Variants in ZNF385D observed in about 807,000 individuals in gnomAD.
ZNF385D encodes the protein zinc finger protein 385D.
A neutral mutation model predicts 35.8 loss-of-function variants in ZNF385D; 15 were observed. That is an observed-to-expected ratio of 0.42 (90% CI 0.28 to 0.64). The LOEUF (loss-of-function observed/expected upper bound fraction) is 0.64. Ranked by LOEUF, ZNF385D falls within the 30% of genes least tolerant of loss-of-function variation. The probability of loss-of-function intolerance (pLI) is 0.23; values close to 1 mark genes in which losing one functional copy is unlikely to be tolerated. For missense variants in ZNF385D, 474 were observed against 494.6 expected (o/e 0.96, Z 0.39); for synonymous variants, 212 against 186.8 (o/e 1.13, Z -1.10).
chr3:21,711,038 A>ATTTTTTTTTTT (rs562190313), intron 1 of ZNF385D, among the ~76,000 whole-genome samples: 7 of 55,820 alleles, frequency 1.3e-4, no homozygotes, highest in East Asian at 1.2e-3. Flanking sequence ...TCCCTCTAAA[A>ATTTTTTTTTTT]GTTTTTTTTT....
intron 3 of ZNF385D, among the ~76,000 whole-genome samples, chr3:22,029,995 C>G (rs1697832832): frequency 6.6e-6 from 1 of 151,648 alleles, no homozygotes; most frequent in African/African-American, 2.4e-5. Context: ...CTGGGGAAGG[C>G]AGACCCACCC....
At chr3:22,267,234 T>A (rs965376134) in intron 2 of ZNF385D, among the ~76,000 whole-genome samples, 2 of 151,936 alleles carry the variant, frequency 1.3e-5, no homozygotes, top group East Asian at 3.9e-4. Flanking sequence ...TAATTAGGTT[T>A]CAAAAGATAA....
At chr3:21,590,850 C>T (rs1252441352) in intron 2 of ZNF385D, among the ~76,000 whole-genome samples, 1 of 151,986 alleles carries the variant, frequency 6.6e-6, no homozygotes, top group Non-Finnish European at 1.5e-5. Flanking sequence ...AATATGTATA[C>T]AGCATCTTTA....
chr3:22,089,704 T>C (rs749023623), intron 3 of ZNF385D, among the ~76,000 whole-genome samples: 4 of 152,206 alleles, frequency 2.6e-5, no homozygotes, highest in African/African-American at 7.2e-5. Context: ...TTGAACATTA[T>C]TCTTTGAGCA....
At chr3:22,149,991 G>T (rs964247976) in intron 3 of ZNF385D, among the ~76,000 whole-genome samples, 2 of 152,070 alleles carry the variant, frequency 1.3e-5, no homozygotes, top group East Asian at 3.9e-4. Flanking sequence ...AGCCCTTTAT[G>T]TCCAAATAAC....
intron 3 of ZNF385D, among the ~76,000 whole-genome samples, chr3:22,102,803 C>G (rs771813402): frequency 4.6e-5 from 7 of 151,642 alleles, no homozygotes; most frequent in Non-Finnish European, 1.0e-4. Flanking sequence ...ACAAACTTCT[C>G]TGATCACTGC....
At chr3:21,891,087 C>T (rs926716483) in intron 3 of ZNF385D, among the ~76,000 whole-genome samples, 2 of 152,188 alleles carry the variant, frequency 1.3e-5, no homozygotes, top group Middle Eastern at 3.4e-3. Flanking sequence ...GTTATAATTT[C>T]ATCATTTGCA....
intron 2 of ZNF385D, among the ~76,000 whole-genome samples, chr3:22,231,101 T>C (rs1698861825): frequency 6.6e-6 from 1 of 152,132 alleles, no homozygotes; most frequent in African/African-American, 2.4e-5. Flanking sequence ...ATATGGCCTT[T>C]AATGTTTTCA....
chr3:22,197,196 T>A (rs7622172), intron 2 of ZNF385D, among the ~76,000 whole-genome samples: 49,500 of 151,812 alleles, frequency 0.33, 8,270 homozygotes, highest in Middle Eastern at 0.38. Flanking sequence ...CTGCTTGGTG[T>A]TTTTGAATTT....
intron 1 of ZNF385D, among the ~76,000 whole-genome samples, chr3:21,745,606 T>C (rs1300733951): frequency 1.3e-5 from 2 of 152,220 alleles, no homozygotes; most frequent in African/African-American, 4.8e-5. Flanking sequence ...CCACCAATCA[T>C]GTGTGAAATT....
intron 3 of ZNF385D, among the ~76,000 whole-genome samples, chr3:21,839,457 A>G (rs1359172024): frequency 2.6e-5 from 4 of 152,068 alleles, no homozygotes; most frequent in African/African-American, 7.2e-5. Flanking sequence ...TCACTTTCCT[A>G]AACTATGTCC....
chr3:22,062,656 G>C (rs533428866), intron 3 of ZNF385D, among the ~76,000 whole-genome samples: 13 of 152,256 alleles, frequency 8.5e-5, no homozygotes, highest in African/African-American at 3.1e-4. Flanking sequence ...TTCCTTCCAC[G>C]TAAGTGTGGC....
At chr3:22,056,882 A>G (rs550489728) in intron 3 of ZNF385D, among the ~76,000 whole-genome samples, 2 of 152,328 alleles carry the variant, frequency 1.3e-5, no homozygotes, top group East Asian at 3.9e-4. Flanking sequence ...ATGATTAGTA[A>G]CCACTCAGAA....
Position 22,057,633 on chromosome 3 carries a change from C to T in ZNF385D, c.325+111184G>A, listed in dbSNP as rs568634253. On this transcript the variant is annotated intron_variant, in intron 3 of 5. Transcript: ENST00000494108. The stretch of plus-strand genomic sequence containing the variant: ...GAAGCAATTCTCTTGTCTCAACCTC[C>T]CGAGTAGCTGGAACGACAGGCAGGC... 2.6e-5 allele frequency among the ~76,000 whole-genome samples: 4 copies of T among 152,022 alleles called. No individual in the cohort carries two copies. In the South Asian group the frequency reaches 8.3e-4, roughly 32 times the overall value.
intron 4 of ZNF385D, among the ~76,000 whole-genome samples, chr3:21,439,835 C>T (rs573094263): frequency 1.3e-5 from 2 of 152,122 alleles, no homozygotes; most frequent in South Asian, 4.1e-4. Context: ...AAGGCAAGTT[C>T]CTTGCATGAG....
intron 2 of ZNF385D, among the ~76,000 whole-genome samples, chr3:22,181,606 G>A (rs944531094): frequency 6.6e-6 from 1 of 151,522 alleles, no homozygotes; most frequent in Non-Finnish European, 1.5e-5. Flanking sequence ...GCTGAGGCAG[G>A]AGAATGGTGT....
chr3:21,906,500 A>C (rs1699690631), intron 3 of ZNF385D, among the ~76,000 whole-genome samples: 1 of 152,146 alleles, frequency 6.6e-6, no homozygotes, highest in African/African-American at 2.4e-5. Flanking sequence ...AAGAACGGAG[A>C]ACTTTCAGGA....
intron 3 of ZNF385D, among the ~76,000 whole-genome samples, chr3:21,946,999 T>TA (rs34955569): frequency 5.9e-5 from 9 of 151,432 alleles, no homozygotes; most frequent in South Asian, 2.1e-4. Context: ...TTGACCCTTC[T>TA]AAAAAAAAAC....
chr3:21,962,643 A>T (rs1053196949), intron 3 of ZNF385D, among the ~76,000 whole-genome samples: 1 of 152,222 alleles, frequency 6.6e-6, no homozygotes, highest in South Asian at 2.1e-4. Flanking sequence ...AATGTGGTCA[A>T]TATTTATGCT....
Sources: gnomAD v4.1 joint callset for allele counts (sites outside exome capture counted in the v4.1 genomes callset) on GRCh38, gnomAD v4.1.1 for gene constraint, MANE v1.5 for transcripts, NCBI Gene and HGNC (gene_info 2026-07-23, HGNC 2026-07-21) for gene names.